Variants in DGKI observed in about 807,000 individuals in gnomAD.
DGKI encodes diacylglycerol kinase iota.
DGKI carries 55 observed loss-of-function variants against 147.5 expected under a neutral mutation model. That is an observed-to-expected ratio of 0.37 (90% CI 0.30 to 0.47). The LOEUF is 0.47. Ranked by LOEUF, DGKI falls within the 20% of genes least tolerant of loss-of-function variation. The pLI is 1.00. For synonymous variants in DGKI, 469 were observed against 477.1 expected, an observed-to-expected ratio of 0.98 and a Z score of 0.22; for missense variants, 1,007 against 1,323.8, an observed-to-expected ratio of 0.76 and a Z score of 3.71.
chr7:137,596,297 G>A (rs1819797483), intron 12 of DGKI, among the ~76,000 whole-genome samples: 3 of 152,120 alleles, frequency 2.0e-5, no homozygotes, highest in Admixed American at 2.0e-4. Flanking sequence ...CATATGAGAA[G>A]GCAAGTAGAT....
At chr7:137,457,312 C>T (rs1255272156) in intron 27 of DGKI, among the ~76,000 whole-genome samples, 1 of 152,188 alleles carries the variant, frequency 6.6e-6, no homozygotes, top group African/African-American at 2.4e-5. Flanking sequence ...TTAATTTTCT[C>T]CCGCTTATCT....
At chr7:137,740,568 T>G (rs1472621091) in intron 1 of DGKI, among the ~76,000 whole-genome samples, 1 of 152,156 alleles carries the variant, frequency 6.6e-6, no homozygotes, top group Non-Finnish European at 1.5e-5. Flanking sequence ...CTGCAAGAAA[T>G]GGAGACTAGA....
intron 1 of DGKI, among the ~76,000 whole-genome samples, chr7:137,714,430 T>C (rs1794316033): frequency 6.6e-6 from 1 of 152,216 alleles, no homozygotes; most frequent in African/African-American, 2.4e-5. Flanking sequence ...TATTTCTTTA[T>C]ACCTATTTTT....
chr7:137,497,171 G>T (rs1023742668), intron 21 of DGKI, among the ~76,000 whole-genome samples: 3 of 150,912 alleles, frequency 2.0e-5, no homozygotes, highest in African/African-American at 4.9e-5. Context: ...CATATATCCG[G>T]CAATCAATCA....
At chr7:137,679,407 T>C (rs1356818158) in intron 2 of DGKI, among the ~76,000 whole-genome samples, 1 of 148,662 alleles carries the variant, frequency 6.7e-6, no homozygotes, top group Non-Finnish European at 1.5e-5. Flanking sequence ...GCAAACTGTT[T>C]TTTTTTTTTT....
At chr7:137,586,703 T>C (rs1369533040) in intron 13 of DGKI, among the ~76,000 whole-genome samples, 1 of 151,796 alleles carries the variant, frequency 6.6e-6, no homozygotes, top group Admixed American at 6.6e-5. Context: ...AAGTCATAAC[T>C]CTCCCAAGTA....
chr7:137,407,775 C>T, intron 30 of DGKI, 100 bp downstream of exon 30: 4 of 1,480,066 alleles, frequency 2.7e-6, no homozygotes, highest in Non-Finnish European at 3.7e-6. Flanking sequence ...GTATTTCTGC[C>T]ATTCTGAAAA....
intron 1 of DGKI, among the ~76,000 whole-genome samples, chr7:137,795,622 A>C (rs1796998141): frequency 6.6e-6 from 1 of 152,204 alleles, no homozygotes; most frequent in African/African-American, 2.4e-5. Flanking sequence ...GAGCTTTGGA[A>C]AGTTCTGACA....
chr7:137,504,736 C>A (rs1816306634), intron 21 of DGKI, among the ~76,000 whole-genome samples: 1 of 151,706 alleles, frequency 6.6e-6, no homozygotes, highest in Admixed American at 6.6e-5. Flanking sequence ...ATTAAGAAAC[C>A]AATAGCCTTT....
In DGKI at chr7:137,412,165, C is replaced by T. The variant is rs1812186579; in HGVS notation, c.2799+5G>A. 6.2e-7 allele frequency: 1 copy of T among 1,613,420 alleles called. No homozygotes were observed. The highest frequency in any genetic ancestry group is 8.5e-7 in the Non-Finnish European group (1 of 1,179,426). On this transcript the variant is annotated splice_donor_5th_base_variant and intron_variant, in intron 29 of 32. Transcript: ENST00000614521. ...CGCCAAAGATTTGGTAGGAAGATAT[C>T]TTACCTTCATAAGATCACCAGCTAT...
At chr7:137,458,721 A>C (rs1814302618) in intron 27 of DGKI, among the ~76,000 whole-genome samples, 1 of 152,144 alleles carries the variant, frequency 6.6e-6, no homozygotes, top group Non-Finnish European at 1.5e-5. Flanking sequence ...TACAACTCAA[A>C]TAGATTTGGT....
chr7:137,737,821 C>T (rs1167493626), intron 1 of DGKI, among the ~76,000 whole-genome samples: 1 of 152,112 alleles, frequency 6.6e-6, no homozygotes, highest in Non-Finnish European at 1.5e-5. Flanking sequence ...GCCCTGGCCA[C>T]ATGGAACCTA....
At chr7:137,456,417 C>T (rs1237734137) in intron 27 of DGKI, among the ~76,000 whole-genome samples, 1 of 152,060 alleles carries the variant, frequency 6.6e-6, no homozygotes, top group African/African-American at 2.4e-5. Context: ...TGACAAAGCA[C>T]CTTTTCTATC....
intron 7 of DGKI, among the ~76,000 whole-genome samples, chr7:137,622,899 GTA>G (rs1417657107): frequency 6.6e-6 from 1 of 152,198 alleles, no homozygotes; most frequent in African/African-American, 2.4e-5. Context: ...ATCCTAATGA[GTA>G]TATATATGTT....
intron 28 of DGKI, among the ~76,000 whole-genome samples, chr7:137,418,282 G>C (rs1360644829): frequency 6.6e-6 from 1 of 152,158 alleles, no homozygotes; most frequent in Non-Finnish European, 1.5e-5. Flanking sequence ...GTTCTTTTGA[G>C]GCTCTGCCTT....
intron 1 of DGKI, among the ~76,000 whole-genome samples, chr7:137,734,926 A>G (rs1242671949): frequency 1.3e-5 from 2 of 152,080 alleles, no homozygotes; most frequent in Non-Finnish European, 2.9e-5. Context: ...TCCTTTACAC[A>G]TCACCGCTGA....
Position 137,537,528 on chromosome 7 carries a change from C to G in DGKI, c.2147+14841G>C, listed in dbSNP as rs560550334. On this transcript the variant is annotated intron_variant, in intron 20 of 32. Coordinates refer to ENST00000614521, the MANE Select transcript of DGKI (RefSeq NM_001321708.2). ...CCTAGAAATACAATAATAATAATAACAAAAGCATGACCAACAAACCTAATC... is the reference window on the plus strand; with the variant it reads ...CCTAGAAATACAATAATAATAATAAGAAAAGCATGACCAACAAACCTAATC... 2.0e-4 allele frequency among the ~76,000 whole-genome samples: 30 copies of G among 152,012 alleles called. 1 individual carries two copies. In the East Asian group the frequency reaches 4.8e-3, roughly 25 times the overall value.
intron 2 of DGKI, among the ~76,000 whole-genome samples, chr7:137,684,007 C>A (rs1823331263): frequency 6.6e-6 from 1 of 152,180 alleles, no homozygotes; most frequent in South Asian, 2.1e-4. Flanking sequence ...ACACAAGAAG[C>A]AAATACTCCA....
intron 2 of DGKI, among the ~76,000 whole-genome samples, chr7:137,682,685 T>C (rs1028139087): frequency 6.6e-6 from 1 of 152,238 alleles, no homozygotes; most frequent in African/African-American, 2.4e-5. Flanking sequence ...TTAGACTTTA[T>C]TTCCCCAGTC....
Sources: allele counts gnomAD v4.1 joint callset (sites outside exome capture counted in the v4.1 genomes callset), GRCh38; gene constraint gnomAD v4.1.1; transcripts MANE v1.5; gene names NCBI Gene and HGNC (gene_info 2026-07-23, HGNC 2026-07-21).